The following GPC5 variants were observed in gnomAD, a reference collection of about 807,000 sequenced individuals.
GPC5 encodes glypican 5, also known as glypican-5.
In GPC5, 47 loss-of-function variants were observed where a neutral mutation model predicts 53.9. The ratio of observed to expected loss-of-function variants is 0.87; its 90% CI spans 0.69 to 1.11. GPC5 has a LOEUF of 1.11. Among genes scored for constraint, GPC5 ranks in the 50% most tolerant of loss-of-function variants. GPC5 has a pLI of 0.00. For missense variants in GPC5, 748 were observed against 713.1 expected, an observed-to-expected ratio of 1.05 and a Z score of -0.56; for synonymous variants, 286 against 263.3, an observed-to-expected ratio of 1.09 and a Z score of -0.84.
chr13:91,443,638 T>C (rs1476128733), intron 1 of GPC5, among the ~76,000 whole-genome samples: 1 of 152,230 alleles, frequency 6.6e-6, no homozygotes, highest in Non-Finnish European at 1.5e-5. Flanking sequence ...AGTCATTTCT[T>C]CAAGAAGCGC....
intron 7 of GPC5, among the ~76,000 whole-genome samples, chr13:92,174,605 T>C (rs2042096380): frequency 6.6e-6 from 1 of 152,052 alleles, no homozygotes; most frequent in Non-Finnish European, 1.5e-5. Context: ...ATTACTTCAT[T>C]CATACATTTA....
intron 7 of GPC5, among the ~76,000 whole-genome samples, chr13:92,326,259 G>GA (rs2043250051): frequency 6.6e-6 from 1 of 151,976 alleles, no homozygotes; most frequent in Non-Finnish European, 1.5e-5. Context: ...CTGCAACTAT[G>GA]ATAAAAATTT....
intron 7 of GPC5, among the ~76,000 whole-genome samples, chr13:92,712,728 C>G (rs1888180235): frequency 6.6e-6 from 1 of 152,158 alleles, no homozygotes; most frequent in Non-Finnish European, 1.5e-5. Context: ...AAGTCCTAAC[C>G]CAGAGTACCT....
chr13:92,385,769 A>G (rs1038561448), intron 7 of GPC5, among the ~76,000 whole-genome samples: 2 of 83,230 alleles, frequency 2.4e-5, no homozygotes, highest in Admixed American at 2.3e-4. Context: ...ATATATACGT[A>G]TATATACATA....
intron 4 of GPC5, among the ~76,000 whole-genome samples, chr13:91,740,095 C>T (rs1400333620): frequency 2.1e-5 from 3 of 146,086 alleles, no homozygotes; most frequent in Admixed American, 6.7e-5. Context: ...TCTTCCGCCA[C>T]ACCTGCCCTT....
At chr13:92,807,513 T>C (rs1877140907) in intron 7 of GPC5, among the ~76,000 whole-genome samples, 2 of 152,072 alleles carry the variant, frequency 1.3e-5, no homozygotes, top group African/African-American at 4.8e-5. Context: ...CCTTGCATTA[T>C]TCTTCTGGTA....
intron 6 of GPC5, among the ~76,000 whole-genome samples, chr13:91,987,874 A>G (rs1463225984): frequency 2.7e-5 from 4 of 145,666 alleles, no homozygotes; most frequent in Non-Finnish European, 6.0e-5. Flanking sequence ...TTTATATTAT[A>G]TATTTAATAT....
chr13:92,195,711 T>C (rs2042252099), intron 7 of GPC5, among the ~76,000 whole-genome samples: 1 of 152,226 alleles, frequency 6.6e-6, no homozygotes, highest in Non-Finnish European at 1.5e-5. Flanking sequence ...TCAGTTTTGA[T>C]GAACAGTGAC....
chr13:92,747,530 C>A (rs573131099), intron 7 of GPC5, among the ~76,000 whole-genome samples: 1 of 147,844 alleles, frequency 6.8e-6, no homozygotes, highest in African/African-American at 2.7e-5. Context: ...GCATTGACCT[C>A]CTCCTCTCTC....
intron 7 of GPC5, among the ~76,000 whole-genome samples, chr13:92,795,744 A>G (rs1474044410): frequency 6.6e-6 from 1 of 152,206 alleles, no homozygotes; most frequent in Non-Finnish European, 1.5e-5. Flanking sequence ...TTATGCAGTG[A>G]ACAGACACAT....
At chr13:92,384,559 G>T (rs1405655379) in intron 7 of GPC5, among the ~76,000 whole-genome samples, 1 of 151,970 alleles carries the variant, frequency 6.6e-6, no homozygotes, top group Non-Finnish European at 1.5e-5. Context: ...TGGTACAAAG[G>T]CAATGTGTAC....
intron 2 of GPC5, among the ~76,000 whole-genome samples, chr13:91,547,726 C>T (rs1037968586): frequency 3.9e-5 from 6 of 152,080 alleles, no homozygotes; most frequent in African/African-American, 1.4e-4. Flanking sequence ...AGTTGCAAAT[C>T]CTCAACAAAA....
chr13:92,272,086 G>A (rs207474237), intron 7 of GPC5, among the ~76,000 whole-genome samples: 42 of 152,242 alleles, frequency 2.8e-4, no homozygotes, highest in African/African-American at 9.9e-4. Flanking sequence ...AGTGATGGCA[G>A]GGATGGGCAC....
intron 7 of GPC5, among the ~76,000 whole-genome samples, chr13:92,146,301 T>G (rs1308519073): frequency 6.6e-6 from 1 of 152,118 alleles, no homozygotes; most frequent in African/African-American, 2.4e-5. Context: ...TTAAAGATAT[T>G]ATTATGGATG....
At chr13:92,789,084 T>A (rs1239537371) in intron 7 of GPC5, among the ~76,000 whole-genome samples, 1 of 152,174 alleles carries the variant, frequency 6.6e-6, no homozygotes, top group Non-Finnish European at 1.5e-5. Context: ...GGATCCTGCT[T>A]TGGGACAGAA....
At chr13:92,552,441 C>A (rs1031025088) in intron 7 of GPC5, among the ~76,000 whole-genome samples, 1 of 151,596 alleles carries the variant, frequency 6.6e-6, no homozygotes, top group Admixed American at 6.6e-5. Context: ...ATTTGAAGAG[C>A]AAGAAAATTA....
chr13:92,180,346 A>T (rs2042137771), intron 7 of GPC5, among the ~76,000 whole-genome samples: 1 of 152,240 alleles, frequency 6.6e-6, no homozygotes, highest in Non-Finnish European at 1.5e-5. Context: ...AATAATATCC[A>T]ATAAAACAAA....
chr13:91,689,216 TA>T (rs2035696698), intron 2 of GPC5, among the ~76,000 whole-genome samples: 1 of 121,818 alleles, frequency 8.2e-6, no homozygotes, highest in South Asian at 2.5e-4. Context: ...TATATATATA[TA>T]TATATATATA....
chr13:92,085,561 A>G (rs1022839830), intron 6 of GPC5, among the ~76,000 whole-genome samples: 7 of 152,160 alleles, frequency 4.6e-5, no homozygotes, highest in Middle Eastern at 3.2e-3. Flanking sequence ...GGATGGTTTC[A>G]GAATGATTTG....
Sources: gnomAD v4.1 joint callset for allele counts (sites outside exome capture counted in the v4.1 genomes callset) on GRCh38, gnomAD v4.1.1 for gene constraint, MANE v1.5 for transcripts, NCBI Gene and HGNC (gene_info 2026-07-23, HGNC 2026-07-21) for gene names.